The following NTNG1 variants were observed in gnomAD, a reference collection of about 807,000 sequenced individuals.
NTNG1 encodes the protein netrin-G1.
NTNG1 carries 16 observed loss-of-function variants against 54.0 expected under a neutral mutation model. The observed-to-expected ratio is 0.30, with a 90% confidence interval of 0.20 to 0.45. The LOEUF is 0.45. Ranked by LOEUF, NTNG1 falls within the 20% of genes least tolerant of loss-of-function variation. The pLI, the probability that NTNG1 is intolerant of heterozygous loss-of-function variation, is 1.00. For missense variants in NTNG1, 530 were observed against 678.7 expected, an observed-to-expected ratio of 0.78 and a Z score of 2.43; for synonymous variants, 255 against 263.1, an observed-to-expected ratio of 0.97 and a Z score of 0.30.
In NTNG1 at chr1:107,148,599, T is replaced by C. The variant is rs1471295608; in HGVS notation, c.6T>C (p.Tyr2=). M[Y]LSRFLSIHAL... is the part of the protein sequence containing the mutation. ...AGATTACAAAGAATTTAGAGATGTA[T>C]TTGTCAAGATTCCTGTCGATTCATG... Residue 2 remains tyrosine, a synonymous_variant, in exon 2 of 8, where the codon TAT becomes TAC. Transcript: ENST00000370068. 7 of 1,613,296 alleles carry C rather than the reference T, an allele frequency of 4.3e-6. No homozygotes were observed. Among genetic ancestry groups the C allele is most frequent in the Non-Finnish European group, 5.9e-6 (7 of 1,179,348 alleles).
intron 7 of NTNG1, among the ~76,000 whole-genome samples, chr1:107,467,598 G>C (rs1266371451): frequency 1.3e-5 from 2 of 152,172 alleles, no homozygotes; most frequent in Non-Finnish European, 1.5e-5. Flanking sequence ...TTGAAATCCA[G>C]ACTTCTGGAC....
chr1:107,153,799 G>A (rs1444029261), intron 2 of NTNG1, among the ~76,000 whole-genome samples: 4 of 152,124 alleles, frequency 2.6e-5, no homozygotes, highest in Non-Finnish European at 4.4e-5. Context: ...GACTATGGCT[G>A]GCAATCTGAT....
intron 2 of NTNG1, among the ~76,000 whole-genome samples, chr1:107,199,715 GTCC>G (rs1436191628): frequency 6.6e-6 from 1 of 151,792 alleles, no homozygotes; most frequent in Non-Finnish European, 1.5e-5. Flanking sequence ...CATACACACA[GTCC>G]TCCTCTCGCG....
intron 3 of NTNG1, among the ~76,000 whole-genome samples, chr1:107,392,949 G>C (rs1385718012): frequency 1.3e-5 from 2 of 152,142 alleles, no homozygotes; most frequent in African/African-American, 4.8e-5. Context: ...GCCTTGAATG[G>C]TTAATAAGCT....
At chr1:107,212,503 C>T (rs908759777) in intron 2 of NTNG1, among the ~76,000 whole-genome samples, 4 of 152,120 alleles carry the variant, frequency 2.6e-5, no homozygotes, top group Non-Finnish European at 5.9e-5. Context: ...AATCTGTGCC[C>T]ATTTAATTTT....
At chr1:107,198,591 T>C (rs1262543855) in intron 2 of NTNG1, among the ~76,000 whole-genome samples, 1 of 151,910 alleles carries the variant, frequency 6.6e-6, no homozygotes, top group African/African-American at 2.4e-5. Context: ...CCTTCGTATT[T>C]TTGTGTTTTG....
intron 6 of NTNG1, among the ~76,000 whole-genome samples, chr1:107,433,015 TC>T (rs1675365234): frequency 6.6e-6 from 1 of 152,170 alleles, no homozygotes; most frequent in African/African-American, 2.4e-5. Context: ...GTCTTTTAAA[TC>T]AGATAAACTA....
intron 3 of NTNG1, among the ~76,000 whole-genome samples, chr1:107,333,580 T>C (rs1279268246): frequency 6.6e-6 from 1 of 151,968 alleles, no homozygotes; most frequent in Non-Finnish European, 1.5e-5. Context: ...GCAGAACTCT[T>C]TAAGCTCCAA....
At chr1:107,161,042 T>C (rs968158332) in intron 2 of NTNG1, among the ~76,000 whole-genome samples, 1 of 152,162 alleles carries the variant, frequency 6.6e-6, no homozygotes, top group African/African-American at 2.4e-5. Flanking sequence ...ATAACTGATA[T>C]CTCATAGGTT....
chr1:107,470,317 T>C (rs2101580387), intron 7 of NTNG1, among the ~76,000 whole-genome samples: 1 of 152,372 alleles, frequency 6.6e-6, no homozygotes, highest in Admixed American at 6.5e-5. Flanking sequence ...CAGCAATTTA[T>C]TTTATTAACA....
intron 2 of NTNG1, among the ~76,000 whole-genome samples, chr1:107,218,818 A>G (rs1207283439): frequency 3.3e-5 from 5 of 152,112 alleles, no homozygotes; most frequent in African/African-American, 1.2e-4. Flanking sequence ...CTGCTGAGAA[A>G]TCTGCTGTTA....
chr1:107,187,879 A>G (rs1366471546), intron 2 of NTNG1, among the ~76,000 whole-genome samples: 1 of 152,164 alleles, frequency 6.6e-6, no homozygotes, highest in Non-Finnish European at 1.5e-5. Flanking sequence ...GAAAAGAGGA[A>G]AGGGGAAAAA....
chr1:107,251,608 T>C (rs1340694479), intron 2 of NTNG1, among the ~76,000 whole-genome samples: 1 of 152,302 alleles, frequency 6.6e-6, no homozygotes, highest in East Asian at 1.9e-4. Context: ...CTAACTGGAC[T>C]AGTACATTGG....
intron 3 of NTNG1, among the ~76,000 whole-genome samples, chr1:107,376,430 A>C (rs12042629): frequency 6.6e-6 from 1 of 151,250 alleles, no homozygotes; most frequent in Non-Finnish European, 1.5e-5. Flanking sequence ...AAAAAAAAAC[A>C]AAAAAAAAAA....
chr1:107,204,912 T>C (rs1247068554), intron 2 of NTNG1, among the ~76,000 whole-genome samples: 1 of 152,128 alleles, frequency 6.6e-6, no homozygotes, highest in Non-Finnish European at 1.5e-5. Context: ...GAGCAGGTGA[T>C]ACGGGAGTTA....
intron 7 of NTNG1, among the ~76,000 whole-genome samples, chr1:107,467,219 T>C (rs1429940622): frequency 6.6e-6 from 1 of 152,190 alleles, no homozygotes; most frequent in Non-Finnish European, 1.5e-5. Context: ...CAGCTATTGA[T>C]TCATCCAAGA....
chr1:107,164,038 A>G (rs892876316), intron 2 of NTNG1, among the ~76,000 whole-genome samples: 1 of 152,250 alleles, frequency 6.6e-6, no homozygotes, highest in Non-Finnish European at 1.5e-5. Context: ...ATTAGATGGA[A>G]ACTTAGCTCC....
intron 2 of NTNG1, among the ~76,000 whole-genome samples, chr1:107,192,092 C>G (rs1657995623): frequency 6.6e-6 from 1 of 152,104 alleles, no homozygotes; most frequent in Middle Eastern, 3.2e-3. Flanking sequence ...TTTGTATCCT[C>G]TTTTATTTCA....
chr1:107,206,259 A>T (rs1415785343), intron 2 of NTNG1, among the ~76,000 whole-genome samples: 2 of 152,128 alleles, frequency 1.3e-5, no homozygotes, highest in African/African-American at 4.8e-5. Context: ...ACTACCCAGA[A>T]TGTATGAAAT....
Sources: gnomAD v4.1 joint callset for allele counts (sites outside exome capture counted in the v4.1 genomes callset) on GRCh38, gnomAD v4.1.1 for gene constraint, MANE v1.5 for transcripts, NCBI Gene and HGNC (gene_info 2026-07-23, HGNC 2026-07-21) for gene names.